The following ACTG2 variants were observed in gnomAD, a reference collection of about 807,000 sequenced individuals.
ACTG2 encodes actin, gamma-enteric smooth muscle.
ACTG2 carries 16 observed loss-of-function variants against 37.6 expected under a neutral mutation model. The ratio of observed to expected loss-of-function variants is 0.43; its 90% CI spans 0.29 to 0.65. The LOEUF is 0.65. ACTG2 is among the 30% of genes least tolerant of loss of function. The pLI is 0.18. For synonymous variants in ACTG2, 181 were observed against 179.9 expected (o/e 1.01, Z -0.05); for missense variants, 238 against 490.9 (o/e 0.48, Z 4.87).
chr2:73,908,687 C>G lies in ACTG2; in HGVS notation c.270C>G (p.Ser90=), dbSNP rs975785463. The change falls in exon 4 of 9, where the codon TCC becomes TCG. Residue 90 remains serine (S), a synonymous_variant. Transcript: ENST00000345517. ...GTCTCCACTAGATCTGGCACCACTC[C>G]TTCTACAATGAGCTGCGTGTAGCAC... ...WDDMEKIWHH[S]FYNELRVAPE... is the part of the protein sequence containing the mutation. The G allele has an allele frequency of 1.9e-6, 3 of 1,607,284 alleles. No homozygotes were observed. In the Admixed American group the frequency reaches 5.2e-5, roughly 28 times the overall value.
rs1224430733 is a variant in ACTG2 at position 73,903,955 on chromosome 2, A to C, written c.255+1467A>C. 8.5e-5 allele frequency among the ~76,000 whole-genome samples: 9 copies of C among 106,276 alleles called. No homozygotes were observed. The South Asian group carries it at 8.8e-4, about 10-fold the overall frequency. 69.7% of individuals were successfully genotyped at this position (106,276 alleles called of 152,430 possible). A position where few individuals can be genotyped will look rare whatever the true frequency, so the allele number is the denominator to read the frequency against. On this transcript the variant is annotated intron_variant, in intron 3 of 8. Coordinates refer to ENST00000345517, the MANE Select transcript of ACTG2 (RefSeq NM_001615.4). ...ACTCCGTCTCAAAAAAAAAAAAAAA[A>C]AAAACAAAAAAAAAACCACATAATA...
chr2:73,905,886 AAT>A (rs1680005060), intron 3 of ACTG2, among the ~76,000 whole-genome samples: 1 of 152,058 alleles, frequency 6.6e-6, no homozygotes, highest in Admixed American at 6.5e-5. Flanking sequence ...AATGTGATTA[AAT>A]ATATGATAGT....
intron 8 of ACTG2, 136 bp downstream of exon 8, chr2:73,916,901 A>G (rs1245851521): frequency 1.6e-5 from 16 of 1,016,390 alleles, no homozygotes; most frequent in Non-Finnish European, 2.1e-5. Context: ...ACTGGAGCCA[A>G]TTTTATCCTA....
chr2:73,912,975 C>T (rs1048164661), intron 5 of ACTG2, among the ~76,000 whole-genome samples: 3 of 152,114 alleles, frequency 2.0e-5, no homozygotes, highest in African/African-American at 7.2e-5. Flanking sequence ...CAAGACCAGC[C>T]TGGCCAACAT....
chr2:73,906,483 A>AATAAATAAATAAATAC lies in ACTG2; in HGVS notation c.256-2187_256-2186insAATAAATAAATACATA, dbSNP rs142230122. ...AAAATAAAAAATAAATAAATAAATA[A>AATAAATAAATAAATAC]ATACATAAAAATTTTGAGCTAGGAT... On this transcript the variant is annotated intron_variant, in intron 3 of 8. Coordinates refer to ENST00000345517, the MANE Select transcript of ACTG2 (RefSeq NM_001615.4). Among the ~76,000 whole-genome samples the AATAAATAAATAAATAC allele has an allele frequency of 5.7e-4, 85 of 150,114 alleles. 3 individuals carry two copies. In the South Asian group the frequency reaches 0.016, roughly 29 times the overall value.
At chr2:73,908,845 A>G (rs376672669) in intron 4 of ACTG2, 62 bp downstream of exon 4, 5 of 1,433,768 alleles carry the variant, frequency 3.5e-6, no homozygotes, top group Non-Finnish European at 9.8e-7. Context: ...TTGGCCAGAT[A>G]CTTTCTCCCC....
chr2:73,894,425 A>T (rs1185833277), intron 1 of ACTG2, among the ~76,000 whole-genome samples: 1 of 152,164 alleles, frequency 6.6e-6, no homozygotes, highest in Non-Finnish European at 1.5e-5. Context: ...GCCAGGCCTG[A>T]GAAAAGGGGA....
intron 3 of ACTG2, among the ~76,000 whole-genome samples, chr2:73,906,139 G>C (rs1320378656): frequency 6.6e-6 from 1 of 152,022 alleles, no homozygotes; most frequent in African/African-American, 2.4e-5. Flanking sequence ...ATGGACATAG[G>C]GGAGATTTTT....
intron 5 of ACTG2, among the ~76,000 whole-genome samples, chr2:73,913,170 CAAAAA>C (rs58764001): frequency 9.8e-6 from 1 of 102,506 alleles, no homozygotes; most frequent in Non-Finnish European, 1.9e-5. Context: ...ACTCTGTCTC[CAAAAA>C]AAAAAAAAAA....
At chr2:73,910,500 T>C (rs1303233930) in intron 5 of ACTG2, among the ~76,000 whole-genome samples, 1 of 138,410 alleles carries the variant, frequency 7.2e-6, no homozygotes, top group Admixed American at 7.2e-5. Flanking sequence ...CCATGACTTT[T>C]TTTTTTTTTT....
At position 73,908,653 on chromosome 2, in the gene ACTG2, A is replaced by G. The variant is rs759774966; in HGVS notation, c.256-20A>G. ...GCCATTGGGAGTCTGCCAGGCTCATATGGCTTTTGTCTCCACTAGATCTGG... is the reference window on the plus strand; with the variant it reads ...GCCATTGGGAGTCTGCCAGGCTCATGTGGCTTTTGTCTCCACTAGATCTGG... On this transcript the variant is annotated intron_variant, in intron 3 of 8. Coordinates refer to ENST00000345517, the MANE Select transcript of ACTG2 (RefSeq NM_001615.4). The G allele has an allele frequency of 2.5e-6, 4 of 1,577,724 alleles. No homozygotes were observed. In the East Asian group the frequency reaches 6.7e-5, roughly 27 times the overall value.
At chr2:73,904,777 G>GTGTGTGTGTATATA (rs1427483105) in intron 3 of ACTG2, among the ~76,000 whole-genome samples, 1 of 42,608 alleles carries the variant, frequency 2.3e-5, no homozygotes. Flanking sequence ...GTGTGTGTGT[G>GTGTGTGTGTATATA]TATATATATA....
chr2:73,895,869 T>C (rs1679736819), intron 1 of ACTG2, among the ~76,000 whole-genome samples: 1 of 152,242 alleles, frequency 6.6e-6, no homozygotes, highest in Non-Finnish European at 1.5e-5. Context: ...CCTGAAGTTC[T>C]CTGTCACAAG....
intron 1 of ACTG2, among the ~76,000 whole-genome samples, chr2:73,898,607 C>G (rs1269195777): frequency 1.3e-5 from 2 of 150,940 alleles, no homozygotes; most frequent in African/African-American, 2.5e-5. Flanking sequence ...ATTTAACACT[C>G]ACAAGCAGTG....
At chr2:73,904,777 G>GTGTGTGTATGTATATA (rs1427483105) in intron 3 of ACTG2, among the ~76,000 whole-genome samples, 2 of 42,608 alleles carry the variant, frequency 4.7e-5, no homozygotes, top group African/African-American at 1.6e-4. Flanking sequence ...GTGTGTGTGT[G>GTGTGTGTATGTATATA]TATATATATA....
In ACTG2 at chr2:73,913,494, TG is replaced by T; in HGVS notation, c.463del (p.Asp155IlefsTer37). ...YASGRTTGIV[L>X]DSGDGVTHNV... ...TCCTCTCTGTCCACAGGCATCGTCC[TG>T]GATTCAGGTGATGGCGTCACCCACA... On this transcript the variant is annotated frameshift_variant, in exon 6 of 9. Transcript: ENST00000345517. LOFTEE classifies it high-confidence loss of function. The T allele has an allele frequency of 1.9e-6, 3 of 1,607,130 alleles. No individual in the cohort carries two copies. Among genetic ancestry groups the T allele is most frequent in the Non-Finnish European group, 2.6e-6 (3 of 1,175,044 alleles).
At chr2:73,914,212 G>A (rs1680203253) in intron 6 of ACTG2, among the ~76,000 whole-genome samples, 1 of 152,160 alleles carries the variant, frequency 6.6e-6, no homozygotes, top group Non-Finnish European at 1.5e-5. Flanking sequence ...ATTGAATGGA[G>A]TGACGCTTGA....
At chr2:73,918,287 T>C (rs1680313742) in intron 8 of ACTG2, among the ~76,000 whole-genome samples, 1 of 152,122 alleles carries the variant, frequency 6.6e-6, no homozygotes, top group Non-Finnish European at 1.5e-5. Context: ...AGGGCTTATA[T>C]TTAGGACCAC....
chr2:73,894,781 C>T (rs1028328676), intron 1 of ACTG2, among the ~76,000 whole-genome samples: 6 of 152,106 alleles, frequency 3.9e-5, no homozygotes, highest in Admixed American at 6.5e-5. Flanking sequence ...ACTCAAGTGG[C>T]TCAATTCCAC....
Sources: allele counts gnomAD v4.1 joint callset (sites outside exome capture counted in the v4.1 genomes callset), GRCh38; gene constraint gnomAD v4.1.1; transcripts MANE v1.5; gene names NCBI Gene and HGNC (gene_info 2026-07-23, HGNC 2026-07-21).